FRMD5: variants seen among roughly 807,000 people sequenced by gnomAD.
The protein encoded by FRMD5 is FERM domain-containing protein 5.
A neutral mutation model predicts 69.0 loss-of-function variants in FRMD5; 20 were observed. The ratio of observed to expected loss-of-function variants is 0.29; its 90% CI spans 0.20 to 0.42. The LOEUF (loss-of-function observed/expected upper bound fraction) is 0.42, where lower values mean the gene tolerates loss of function less well. Ranked by LOEUF, FRMD5 falls within the 10% of genes least tolerant of loss-of-function variation. The pLI, the probability that FRMD5 is intolerant of heterozygous loss-of-function variation, is 1.00. For synonymous variants in FRMD5, 271 were observed against 260.1 expected (o/e 1.04, Z -0.40); for missense variants, 595 against 708.6 (o/e 0.84, Z 1.82).
At chr15:44,078,383 A>C (rs1893858514) in intron 1 of FRMD5, among the ~76,000 whole-genome samples, 1 of 152,078 alleles carries the variant, frequency 6.6e-6, no homozygotes, top group Non-Finnish European at 1.5e-5. Context: ...GTCATAGAGG[A>C]CTTCCTATAA....
At chr15:43,998,200 G>C (rs778453819) in intron 1 of FRMD5, among the ~76,000 whole-genome samples, 1 of 152,108 alleles carries the variant, frequency 6.6e-6, no homozygotes, top group Non-Finnish European at 1.5e-5. Context: ...TAAGACTATC[G>C]CCTTTTAGTT....
chr15:44,025,718 AT>A (rs775505753), intron 1 of FRMD5, among the ~76,000 whole-genome samples: 1 of 152,178 alleles, frequency 6.6e-6, no homozygotes, highest in Admixed American at 6.6e-5. Context: ...GGAGTATTAA[AT>A]ATGAATAGTA....
intron 1 of FRMD5, among the ~76,000 whole-genome samples, chr15:43,927,854 G>A (rs753278755): frequency 2.0e-5 from 3 of 152,052 alleles, no homozygotes; most frequent in Non-Finnish European, 4.4e-5. Flanking sequence ...GACAGAGATA[G>A]CTATAGGGAA....
chr15:44,098,524 A>AAG (rs2076589234), intron 1 of FRMD5, among the ~76,000 whole-genome samples: 1 of 35,252 alleles, frequency 2.8e-5, no homozygotes, highest in African/African-American at 1.1e-4. Flanking sequence ...ACTCTGTCTC[A>AAG]AAAAAAAAAA....
At chr15:44,093,921 T>C (rs539820512) in intron 1 of FRMD5, among the ~76,000 whole-genome samples, 3 of 151,868 alleles carry the variant, frequency 2.0e-5, no homozygotes, top group Non-Finnish European at 4.4e-5. Flanking sequence ...AAAAAAAAAA[T>C]AATAAAAGTC....
chr15:43,886,626 G>C (rs945577927), intron 10 of FRMD5, among the ~76,000 whole-genome samples: 15 of 152,188 alleles, frequency 9.9e-5, no homozygotes, highest in African/African-American at 3.6e-4. Flanking sequence ...TGAAACCTGT[G>C]CTATGAGCAG....
In FRMD5 at chr15:44,127,007, T is replaced by C. The variant is rs576699669; in HGVS notation, c.102+67946A>G. On this transcript the variant is annotated intron_variant, in intron 1 of 13. Coordinates refer to ENST00000417257, the MANE Select transcript of FRMD5 (RefSeq NM_032892.5). ...TAATGAATGTTCATTCTGCAATTGG[T>C]CACTTTAAATAATAAACACCTAGAG... 3.3e-4 allele frequency among the ~76,000 whole-genome samples: 51 copies of C among 152,312 alleles called. 1 individual carries two copies. In the South Asian group the frequency reaches 0.011, roughly 32 times the overall value.
chr15:44,089,869 T>C (rs566496748), intron 1 of FRMD5, among the ~76,000 whole-genome samples: 24 of 152,220 alleles, frequency 1.6e-4, no homozygotes, highest in Non-Finnish European at 3.1e-4. Context: ...GTGCCTATTA[T>C]AAAGCAGGAA....
chr15:44,111,087 C>G (rs2623017), intron 1 of FRMD5, among the ~76,000 whole-genome samples: 137,647 of 152,218 alleles, frequency 0.9, 62,726 homozygotes, highest in East Asian at 1. Context: ...GTAAATATGA[C>G]GTTCTCCTAT....
At chr15:44,030,771 C>A (rs1318568846) in intron 1 of FRMD5, among the ~76,000 whole-genome samples, 1 of 152,082 alleles carries the variant, frequency 6.6e-6, no homozygotes, top group Non-Finnish European at 1.5e-5. Context: ...ACAAAATCTG[C>A]AGTCTTTCTG....
intron 1 of FRMD5, 122 bp from the exon 2 acceptor site, chr15:43,924,431 C>A: frequency 1.5e-6 from 1 of 674,414 alleles, no homozygotes; most frequent in Non-Finnish European, 2.6e-6. Flanking sequence ...GGGTGAATGT[C>A]CATAACTATG....
chr15:44,116,355 G>C (rs2076868160), intron 1 of FRMD5, among the ~76,000 whole-genome samples: 1 of 151,870 alleles, frequency 6.6e-6, no homozygotes, highest in Admixed American at 6.6e-5. Flanking sequence ...GAAATCCTGG[G>C]CTCAAGTGAT....
chr15:43,939,102 C>T (rs1024355920), intron 1 of FRMD5, among the ~76,000 whole-genome samples: 1 of 152,004 alleles, frequency 6.6e-6, no homozygotes, highest in African/African-American at 2.4e-5. Context: ...AACCCCTGAC[C>T]TCAGGTGATC....
At chr15:43,990,708 C>G (rs1181348011) in intron 1 of FRMD5, among the ~76,000 whole-genome samples, 1 of 151,948 alleles carries the variant, frequency 6.6e-6, no homozygotes, top group Non-Finnish European at 1.5e-5. Context: ...GCTTTACAGC[C>G]AAAGATTGCC....
chr15:44,024,139 T>C (rs1891330168), intron 1 of FRMD5, among the ~76,000 whole-genome samples: 1 of 152,208 alleles, frequency 6.6e-6, no homozygotes, highest in African/African-American at 2.4e-5. Flanking sequence ...TGTTTTACAT[T>C]ATTAATATTT....
rs151264824 is a variant in FRMD5, at chr15:44,004,804, T to C, written c.103-80495A>G. Among the ~76,000 whole-genome samples, 752 of 152,372 alleles carry C rather than the reference T, an allele frequency of 4.9e-3. 12 individuals carry two copies. The highest frequency in any genetic ancestry group is 0.017 in the African/African-American group (719 of 41,584). ...TTAAATCAAAAGCTAAAAATGATTA[T>C]GCTTAGTGAGAAAAGCAGGTTGAAA... On this transcript the variant is annotated intron_variant, in intron 1 of 13. Coordinates refer to ENST00000417257, the MANE Select transcript of FRMD5 (RefSeq NM_032892.5).
chr15:44,071,596 TG>T (rs985759494), intron 1 of FRMD5, among the ~76,000 whole-genome samples: 9 of 152,308 alleles, frequency 5.9e-5, no homozygotes, highest in African/African-American at 2.2e-4. Flanking sequence ...ATTATAAACT[TG>T]GGGTCTCTTC....
intron 13 of FRMD5, among the ~76,000 whole-genome samples, chr15:43,878,927 C>CTTTTTTTTTTTT (rs1567205006): frequency 7.5e-6 from 1 of 132,604 alleles, no homozygotes; most frequent in Non-Finnish European, 1.6e-5. Context: ...TTTTTTTTTT[C>CTTTTTTTTTTTT]TTTTCTTTTT....
intron 1 of FRMD5, among the ~76,000 whole-genome samples, chr15:44,028,042 A>G (rs554310361): frequency 1.3e-4 from 20 of 152,198 alleles, no homozygotes; most frequent in Non-Finnish European, 2.1e-4. Context: ...CCTAACATCA[A>G]TGGGGCAAGG....
Sources: gnomAD v4.1 joint callset for allele counts (sites outside exome capture counted in the v4.1 genomes callset) on GRCh38, gnomAD v4.1.1 for gene constraint, MANE v1.5 for transcripts, NCBI Gene and HGNC (gene_info 2026-07-23, HGNC 2026-07-21) for gene names.